USP21: variants seen among roughly 807,000 people sequenced by gnomAD.
The protein encoded by USP21 is ubiquitin specific peptidase 21, also known as ubiquitin carboxyl-terminal hydrolase 21.
USP21 carries 37 observed loss-of-function variants against 70.8 expected under a neutral mutation model. That is an observed-to-expected ratio of 0.52 (90% CI 0.40 to 0.69). The LOEUF (loss-of-function observed/expected upper bound fraction) is 0.69. USP21 is among the 30% of genes least tolerant of loss of function. The probability of loss-of-function intolerance (pLI) is 0.00; values close to 1 mark genes in which losing one functional copy is unlikely to be tolerated. For missense variants in USP21, 584 were observed against 740.8 expected (o/e 0.79, Z 2.46); for synonymous variants, 263 against 283.1 (o/e 0.93, Z 0.71).
chr1:161,162,742 G>A lies in USP21; in HGVS notation c.893+16G>A. On this transcript the variant is annotated intron_variant, in intron 6 of 13. Coordinates refer to ENST00000368002, the MANE Select transcript of USP21 (RefSeq NM_001014443.3). This position sits in a 1 kb window ranked among gnomAD's most constrained non-coding sequence, Gnocchi z 4.1. ...CTGGATACAGGTGGGAGAGCTGGAG[G>A]CTATGGGATTTCTCTCTGGCCATGT... is the stretch of plus-strand genomic sequence containing the variant. The A allele has an allele frequency of 6.2e-7, 1 of 1,602,908 alleles. No individual in the cohort carries two copies. The highest frequency in any genetic ancestry group is 8.5e-7 in the Non-Finnish European group (1 of 1,169,708).
In USP21 at chr1:161,164,099, T is replaced by C; in HGVS notation, c.1219-65T>C. On this transcript the variant is annotated intron_variant, in intron 9 of 13. Transcript: ENST00000368002. This position sits in a 1 kb window ranked among gnomAD's most constrained non-coding sequence, Gnocchi z 4.2. ...TTCTGGAGCAGAACTGAAGCCTGGA[T>C]TGATTGAGAAGAGTTGGAAAAGGAA... The C allele has an allele frequency of 1.3e-6, 2 of 1,587,852 alleles. No individual in the cohort carries two copies. The highest frequency in any genetic ancestry group is 1.7e-6 in the Non-Finnish European group (2 of 1,156,472).
At position 161,165,202 on chromosome 1, in the gene USP21, C is replaced by G. The variant is rs1159351172; in HGVS notation, c.1607+59C>G. The G allele has an allele frequency of 2.0e-6, 3 of 1,521,456 alleles. No homozygotes were observed. In the African/African-American group the frequency reaches 4.1e-5, roughly 21 times the overall value. 94.2% of individuals were successfully genotyped at this position (1,521,456 alleles called of 1,614,324 possible). A position where few individuals can be genotyped will look rare whatever the true frequency, so the allele number is the denominator to read the frequency against. On this transcript the variant is annotated intron_variant, in intron 13 of 13. Coordinates refer to ENST00000368002, the MANE Select transcript of USP21 (RefSeq NM_001014443.3). Reference sequence around the variant, plus strand: ...TTCCCACTCAGCCCTGACACCCTCCCCTTCTATGAAGCTCCAGGAGAGCAG... The same window carrying G: ...TTCCCACTCAGCCCTGACACCCTCCGCTTCTATGAAGCTCCAGGAGAGCAG...
chr1:161,161,003 A>G lies in USP21; in HGVS notation c.363A>G (p.Pro121=), dbSNP rs1468938610. ...CTGTGAGCAGTGGGGACTTGCGTCC[A>G]ATGGGGATTGCCTTGGGAGGGCACC... is the stretch of plus-strand genomic sequence containing the variant. The part of the protein sequence containing the change: ...SKSVSSGDLR[P]MGIALGGHRG... Residue 121 remains proline, a synonymous_variant, in exon 3 of 14, where the codon CCA becomes CCG. Transcript: ENST00000368002. This position sits in a 1 kb window ranked among gnomAD's most constrained non-coding sequence, Gnocchi z 4.2. 1 of 1,614,244 alleles carries G rather than the reference A, an allele frequency of 6.2e-7. No homozygotes were observed. The highest frequency in any genetic ancestry group is 8.5e-7 in the Non-Finnish European group (1 of 1,180,054).
At chr1:161,163,531 C>T in intron 7 of USP21, 24 bp from the exon 8 acceptor site, 1 of 1,613,078 alleles carries the variant, frequency 6.2e-7, no homozygotes. Flanking sequence ...ATGGGTGCTC[C>T]CCACTTCCTT....
chr1:161,162,395 G>A lies in USP21; in HGVS notation c.781+5G>A, dbSNP rs371571463. 1.9e-6 allele frequency: 3 copies of A among 1,601,372 alleles called. No individual in the cohort carries two copies. The highest frequency in any genetic ancestry group is 2.2e-5 in the South Asian group (2 of 88,898). On this transcript the variant is annotated splice_donor_5th_base_variant and intron_variant, in intron 5 of 13. Coordinates refer to ENST00000368002, the MANE Select transcript of USP21 (RefSeq NM_001014443.3). The surrounding 1 kb of genome is among the most constrained non-coding windows in gnomAD (Gnocchi z 4.1). ...GAGCCCAAGAGCTCACTGAAGGTGG[G>A]GCAACAACTCCTGCTCCCTCTGTTC...
Position 161,161,612 on chromosome 1 carries a change from G to T in USP21, c.600+372G>T. 1 of 362,974 alleles carries T rather than the reference G, an allele frequency of 2.8e-6. No homozygotes were observed. The highest frequency in any genetic ancestry group is 5.1e-6 in the Non-Finnish European group (1 of 197,946). 22.5% of individuals were successfully genotyped at this position (362,974 alleles called of 1,614,324 possible). A position where few individuals can be genotyped will look rare whatever the true frequency, so the allele number is the denominator to read the frequency against. ...ACAGAACATCTTAGCAAACGTGGTT[G>T]CACATTTTCTGAGCTAAGTAAGCTA... On this transcript the variant is annotated intron_variant, in intron 3 of 13. Coordinates refer to ENST00000368002, the MANE Select transcript of USP21 (RefSeq NM_001014443.3). This position sits in a 1 kb window ranked among gnomAD's most constrained non-coding sequence, Gnocchi z 4.2.
Position 161,165,429 on chromosome 1 carries a change from G to C in USP21, c.1680G>C (p.Glu560Asp). Residue 560 changes from glutamate (E) to aspartate (D), a missense_variant, in exon 14 of 14, where the codon GAG (glutamate) becomes GAC (aspartate). By Grantham distance (45) the Glu-to-Asp change is conservative. This residue lies in a region of USP21 where 173 missense variants were observed against 268.2 expected (regional missense o/e 0.65). Transcript: ENST00000368002. ...TGCTGTTCTACCAACTGATGCAGGA[G>C]CCACCCCGGTGCCTGTGACACCTCT... ...GYVLFYQLMQ[E>D]PPRCL 1 of 1,614,032 alleles carries C rather than the reference G, an allele frequency of 6.2e-7. No individual in the cohort carries two copies. Among genetic ancestry groups the C allele is most frequent in the Non-Finnish European group, 8.5e-7 (1 of 1,179,974 alleles).
intron 7 of USP21, 152 bp from the exon 8 acceptor site, chr1:161,163,403 G>A (rs1238000781): frequency 5.6e-6 from 4 of 720,084 alleles, no homozygotes; most frequent in Non-Finnish European, 9.5e-6. Context: ...GTTCATTGAG[G>A]CATTATTCTT....
chr1:161,161,154 A>G lies in USP21; in HGVS notation c.514A>G (p.Ile172Val). The change falls in exon 3 of 14, where the codon ATA becomes GTA. Residue 172 changes from isoleucine to valine, a missense_variant. This residue lies in a region of USP21 where 284 missense variants were observed against 281.0 expected (regional missense o/e 1.01). Coordinates refer to ENST00000368002, the MANE Select transcript of USP21 (RefSeq NM_001014443.3). The surrounding 1 kb of genome is among the most constrained non-coding windows in gnomAD (Gnocchi z 4.2). ...GFPGPPTLFS[I>V]RTEPPASHGS... ...TCCTGGACCCCCTACCCTGTTCAGC[A>G]TACGGACAGAGCCCCCTGCTTCCCA... is the stretch of plus-strand genomic sequence containing the variant. 6.2e-7 allele frequency: 1 copy of G among 1,614,038 alleles called. No homozygotes were observed. Among genetic ancestry groups the G allele is most frequent in the Non-Finnish European group, 8.5e-7 (1 of 1,179,914 alleles).
Position 161,162,879 on chromosome 1 carries a change from G to C in USP21, c.894-40G>C, listed in dbSNP as rs1277911495. On this transcript the variant is annotated intron_variant, in intron 6 of 13. Coordinates refer to ENST00000368002, the MANE Select transcript of USP21 (RefSeq NM_001014443.3). This position sits in a 1 kb window ranked among gnomAD's most constrained non-coding sequence, Gnocchi z 4.1. ...GGCAGGGAATAGTGTCTGTGGACTA[G>C]GAGAGGAGTCAGTTGCCCATACTCT... 6.3e-7 allele frequency: 1 copy of C among 1,598,616 alleles called. No individual in the cohort carries two copies. The highest frequency in any genetic ancestry group is 1.7e-5 in the Admixed American group (1 of 58,430).
In USP21 at chr1:161,160,996, TG is replaced by T; in HGVS notation, c.357del (p.Leu119PhefsTer21). ...TCCAAGTCTGTGAGCAGTGGGGACT[TG>T]CGTCCAATGGGGATTGCCTTGGGAG... is the stretch of plus-strand genomic sequence containing the variant. Reference protein sequence around the residue: ...ARSKSVSSGDLRPMGIALGGH... With the variant: ...ARSKSVSSGDXRPMGIALGGH... On this transcript the variant is annotated frameshift_variant, in exon 3 of 14. Coordinates refer to ENST00000368002, the MANE Select transcript of USP21 (RefSeq NM_001014443.3). LOFTEE classifies it high-confidence loss of function. 6.2e-7 allele frequency: 1 copy of T among 1,614,244 alleles called. No individual in the cohort carries two copies. The highest frequency in any genetic ancestry group is 8.5e-7 in the Non-Finnish European group (1 of 1,180,046).
chr1:161,165,510 T>G lies in USP21; in HGVS notation c.*63T>G. 9.1e-7 allele frequency: 1 copy of G among 1,093,440 alleles called. No individual in the cohort carries two copies. The highest frequency in any genetic ancestry group is 1.3e-6 in the Non-Finnish European group (1 of 770,834). The allele number at this position is 1,093,440 out of a possible 1,614,324, so 67.7% of individuals were successfully genotyped here. ...ACCCTTAAGCCCCAGGCTCCCCGTT[T>G]ACCTCAGAGACGTCTATTTTTGTGT... On this transcript the variant is annotated 3_prime_UTR_variant, in exon 14 of 14. Coordinates refer to ENST00000368002, the MANE Select transcript of USP21 (RefSeq NM_001014443.3).
In USP21 at chr1:161,164,123, A is replaced by T; in HGVS notation, c.1219-41A>T. The T allele has an allele frequency of 6.2e-7, 1 of 1,607,154 alleles. No homozygotes were observed. The highest frequency in any genetic ancestry group is 1.1e-5 in the South Asian group (1 of 90,914). ...ATTGATTGAGAAGAGTTGGAAAAGGAAATTCAGAACATGTTGACCTTTCTT... is the reference window on the plus strand; with the variant it reads ...ATTGATTGAGAAGAGTTGGAAAAGGTAATTCAGAACATGTTGACCTTTCTT... On this transcript the variant is annotated intron_variant, in intron 9 of 13. Transcript: ENST00000368002. This position sits in a 1 kb window ranked among gnomAD's most constrained non-coding sequence, Gnocchi z 4.2.
chr1:161,159,876 C>A (rs1266333704), intron 1 of USP21, among the ~76,000 whole-genome samples, 198 bp downstream of exon 1: 6 of 152,234 alleles, frequency 3.9e-5, no homozygotes, highest in African/African-American at 1.4e-4. Flanking sequence ...CTCGGCCTTT[C>A]TGCCCTCGAG....
chr1:161,160,274 A>T (rs1444420015), intron 1 of USP21, 92 bp from the exon 2 acceptor site: 1 of 262,840 alleles, frequency 3.8e-6, no homozygotes, highest in Non-Finnish European at 7.4e-6. Flanking sequence ...TCGGGAGTAT[A>T]GAAAGGGTCA....
At position 161,164,748 on chromosome 1, in the gene USP21, G is replaced by A. The variant is rs551342564; in HGVS notation, c.1385-87G>A. On this transcript the variant is annotated intron_variant, in intron 11 of 13. Coordinates refer to ENST00000368002, the MANE Select transcript of USP21 (RefSeq NM_001014443.3). This position sits in a 1 kb window ranked among gnomAD's most constrained non-coding sequence, Gnocchi z 4.2. ...TTCCACAAGATGCTCCCAGTGTGTC[G>A]GGAGTGGGGAGAGGACAGCTTTCAG... 1.3e-4 allele frequency: 215 copies of A among 1,596,396 alleles called. 5 individuals are homozygous for A. The East Asian group carries it at 4.3e-3, about 32-fold the overall frequency.
rs1657922603 is a variant in USP21 at position 161,161,409 on chromosome 1, C to T, written c.600+169C>T. ...TAAATACCCTTGAGCCTCCTAGACCCTTTTTTGGGTTGTTGGTGACTCTTC... is the reference window on the plus strand; with the variant it reads ...TAAATACCCTTGAGCCTCCTAGACCTTTTTTTGGGTTGTTGGTGACTCTTC... On this transcript the variant is annotated intron_variant, in intron 3 of 13. Transcript: ENST00000368002. The surrounding 1 kb of genome is among the most constrained non-coding windows in gnomAD (Gnocchi z 4.2). The T allele has an allele frequency of 3.6e-6, 3 of 838,752 alleles. No individual in the cohort carries two copies. Among genetic ancestry groups the T allele is most frequent in the East Asian group, 5.4e-5 (2 of 36,838 alleles). The allele number at this position is 838,752 out of a possible 1,614,324, so 52.0% of individuals were successfully genotyped here.
rs757415336 is a variant in USP21, at chr1:161,162,341, C to T, written c.732C>T (p.Asp244=). The part of the protein sequence containing the change: ...RPLRDFCLRR[D]FRQEVPGGGR... ...TTCGGGACTTCTGTCTGAGAAGGGA[C>T]TTCCGGCAAGAGGTGCCTGGAGGAG... is the stretch of plus-strand genomic sequence containing the variant. The change falls in exon 5 of 14, where the codon GAC becomes GAT. Residue 244 remains aspartate (D), a synonymous_variant. Coordinates refer to ENST00000368002, the MANE Select transcript of USP21 (RefSeq NM_001014443.3). The surrounding 1 kb of genome is among the most constrained non-coding windows in gnomAD (Gnocchi z 4.1). 6.2e-7 allele frequency: 1 copy of T among 1,613,636 alleles called. No individual in the cohort carries two copies. Among genetic ancestry groups the T allele is most frequent in the Non-Finnish European group, 8.5e-7 (1 of 1,179,782 alleles).
At chr1:161,159,971 C>T (rs1264439708) in intron 1 of USP21, among the ~76,000 whole-genome samples, 1 of 152,216 alleles carries the variant, frequency 6.6e-6, no homozygotes, top group Non-Finnish European at 1.5e-5. Flanking sequence ...CCATCCCCGA[C>T]TACTGCTTTC....
Sources: allele counts gnomAD v4.1 joint callset (sites outside exome capture counted in the v4.1 genomes callset), GRCh38; gene constraint gnomAD v4.1.1; regional missense constraint gnomAD v4.1.1; non-coding constraint Gnocchi (gnomAD v3.1); transcripts MANE v1.5; gene names NCBI Gene and HGNC (gene_info 2026-07-23, HGNC 2026-07-21).